APP: variants seen among roughly 807,000 people sequenced by gnomAD.
The protein encoded by APP is amyloid beta precursor protein, also known as amyloid-beta precursor protein.
APP carries 31 observed loss-of-function variants against 101.4 expected under a neutral mutation model. The ratio of observed to expected loss-of-function variants is 0.31; its 90% CI spans 0.23 to 0.41. The LOEUF (loss-of-function observed/expected upper bound fraction) is 0.41, where lower values mean the gene tolerates loss of function less well. APP is among the 10% of genes least tolerant of loss of function. The pLI is 1.00. For missense variants in APP, 839 were observed against 1,003.7 expected (o/e 0.84, Z 2.22); for synonymous variants, 366 against 364.4 (o/e 1.00, Z -0.05).
At chr21:25,903,752 A>C (rs1452788339) in intron 15 of APP, among the ~76,000 whole-genome samples, 2 of 152,242 alleles carry the variant, frequency 1.3e-5, no homozygotes. Context: ...GGACATTAGA[A>C]GAACTGAAAC....
At chr21:26,103,058 G>A (rs2051176) in intron 2 of APP, among the ~76,000 whole-genome samples, 15,024 of 152,080 alleles carry the variant, frequency 0.099, 1,322 homozygotes, top group East Asian at 0.27. Context: ...ACAGTCTACT[G>A]TGGTCATCTA....
At chr21:26,119,839 G>C (rs1447528754) in intron 1 of APP, among the ~76,000 whole-genome samples, 1 of 152,170 alleles carries the variant, frequency 6.6e-6, no homozygotes, top group African/African-American at 2.4e-5. Flanking sequence ...GGGCTCCTCA[G>C]AGAGAGTGGT....
At chr21:26,131,096 G>A (rs989821798) in intron 1 of APP, among the ~76,000 whole-genome samples, 1 of 152,006 alleles carries the variant, frequency 6.6e-6, no homozygotes, top group African/African-American at 2.4e-5. Context: ...GGGCGTGGTG[G>A]CACTCACCCG....
At position 26,117,676 on chromosome 21, in the gene APP, T is replaced by C. The variant is rs1316548490; in HGVS notation, c.58-5530A>G. Among the ~76,000 whole-genome samples the C allele has an allele frequency of 2.0e-5, 3 of 151,880 alleles. No individual in the cohort carries two copies. The East Asian group carries it at 5.8e-4, about 29-fold the overall frequency. ...GCAATTTTCCAAGGCTTTGCCCCTGTGTGTGTGTGTGCATGTATTTGTGGT... is the reference window on the plus strand; with the variant it reads ...GCAATTTTCCAAGGCTTTGCCCCTGCGTGTGTGTGTGCATGTATTTGTGGT... On this transcript the variant is annotated intron_variant, in intron 1 of 17. Transcript: ENST00000346798.
chr21:26,080,595 C>T (rs1178772770), intron 3 of APP, among the ~76,000 whole-genome samples: 2 of 151,396 alleles, frequency 1.3e-5, no homozygotes, highest in Non-Finnish European at 2.9e-5. Flanking sequence ...GGTCAAATTC[C>T]GTCTCTACTA....
At chr21:25,910,117 T>A (rs1226669634) in intron 14 of APP, among the ~76,000 whole-genome samples, 2 of 151,942 alleles carry the variant, frequency 1.3e-5, no homozygotes, top group African/African-American at 4.8e-5. Context: ...GTATATATAT[T>A]TTTTACTTTA....
intron 11 of APP, among the ~76,000 whole-genome samples, chr21:25,964,599 T>C (rs539064013): frequency 2.7e-5 from 4 of 146,792 alleles, no homozygotes; most frequent in Admixed American, 7.0e-5. Context: ...GTGACCTTTT[T>C]TCTTTTCTTT....
At chr21:26,158,259 T>C (rs1010314670) in intron 1 of APP, 4 of 152,204 alleles carry the variant, frequency 2.6e-5, no homozygotes, top group African/African-American at 9.7e-5. Flanking sequence ...GGCTAGCAGA[T>C]AAGAGAAGGT....
intron 1 of APP, among the ~76,000 whole-genome samples, chr21:26,147,409 G>A (rs1007579297): frequency 3.9e-5 from 6 of 152,138 alleles, no homozygotes; most frequent in African/African-American, 1.2e-4. Context: ...TGCTAAAACC[G>A]ACTGGTGTAA....
chr21:26,060,166 A>C (rs771792803), intron 3 of APP, among the ~76,000 whole-genome samples: 71 of 152,182 alleles, frequency 4.7e-4, no homozygotes, highest in Non-Finnish European at 8.8e-5. Flanking sequence ...TCATTCACTA[A>C]TCACCTATTT....
At chr21:26,123,224 A>G (rs918938433) in intron 1 of APP, among the ~76,000 whole-genome samples, 1 of 152,166 alleles carries the variant, frequency 6.6e-6, no homozygotes, top group Non-Finnish European at 1.5e-5. Context: ...CATAACATTT[A>G]CTCATCAGCC....
At chr21:26,002,432 A>G (rs1264782863) in intron 6 of APP, among the ~76,000 whole-genome samples, 4 of 5,028 alleles carry the variant, frequency 8.0e-4, no homozygotes, top group Non-Finnish European at 1.9e-3. Context: ...CCCAGAGCTT[A>G]CCTTCAGTTG....
At chr21:25,988,380 G>A (rs995889065) in intron 8 of APP, among the ~76,000 whole-genome samples, 1 of 152,070 alleles carries the variant, frequency 6.6e-6, no homozygotes, top group Non-Finnish European at 1.5e-5. Flanking sequence ...GGCTGCTATG[G>A]GACAAAAGTA....
intron 8 of APP, among the ~76,000 whole-genome samples, chr21:25,990,923 G>A (rs1463435146): frequency 6.6e-6 from 1 of 152,080 alleles, no homozygotes; most frequent in African/African-American, 2.4e-5. Context: ...ACCAACCTAA[G>A]TGCCCATCAA....
At chr21:26,112,171 TA>T (rs2062341415) in intron 1 of APP, 25 bp from the exon 2 acceptor site, 1 of 1,612,492 alleles carries the variant, frequency 6.2e-7, no homozygotes, top group African/African-American at 1.3e-5. Flanking sequence ...TTCAGTTAGT[TA>T]TAGTATCCAT....
At chr21:26,055,238 G>C (rs1196498808) in intron 3 of APP, among the ~76,000 whole-genome samples, 1 of 152,112 alleles carries the variant, frequency 6.6e-6, no homozygotes, top group Admixed American at 6.5e-5. Flanking sequence ...CACATCACGG[G>C]TTCTTTTATA....
chr21:26,035,740 G>A (rs944487887), intron 5 of APP, among the ~76,000 whole-genome samples: 4 of 152,176 alleles, frequency 2.6e-5, no homozygotes. Flanking sequence ...GGAGAAGAAA[G>A]CAGCGCATGT....
chr21:26,102,554 C>T (rs1433574302), intron 2 of APP, among the ~76,000 whole-genome samples: 1 of 151,830 alleles, frequency 6.6e-6, no homozygotes, highest in Non-Finnish European at 1.5e-5. Flanking sequence ...AATTTTGGTA[C>T]TATAATAGTT....
chr21:26,057,251 G>A (rs1160896295), intron 3 of APP, among the ~76,000 whole-genome samples: 2 of 152,136 alleles, frequency 1.3e-5, no homozygotes, highest in African/African-American at 4.8e-5. Context: ...GGTAAAAAGA[G>A]TTCTTAACAG....
Sources: allele counts gnomAD v4.1 joint callset (sites outside exome capture counted in the v4.1 genomes callset), GRCh38; gene constraint gnomAD v4.1.1; transcripts MANE v1.5; gene names NCBI Gene and HGNC (gene_info 2026-07-23, HGNC 2026-07-21).